Variants in GALNT16 observed in about 807,000 individuals in gnomAD.
GALNT16 encodes polypeptide N-acetylgalactosaminyltransferase 16, also known as UDP-GalNAc:polypeptide N-acetylgalactosaminyltransferase-like protein 1.
Under a neutral mutation model 76.1 loss-of-function variants are expected in GALNT16, and 40 were observed. The observed-to-expected ratio is 0.53, with a 90% CI of 0.41 to 0.68. GALNT16 has a LOEUF of 0.68. GALNT16 is among the 30% of genes least tolerant of loss of function. The pLI is 0.00. For missense variants in GALNT16, 621 were observed against 731.9 expected, an observed-to-expected ratio of 0.85 and a Z score of 1.75; for synonymous variants, 276 against 285.2, an observed-to-expected ratio of 0.97 and a Z score of 0.32.
At chr14:69,262,873 T>G (rs1594805056) in intron 1 of GALNT16, among the ~76,000 whole-genome samples, 1 of 104,810 alleles carries the variant, frequency 9.5e-6, no homozygotes, top group African/African-American at 4.8e-5. Flanking sequence ...ACAGCAAGAT[T>G]TCTTTTTTTC....
At chr14:69,284,562 T>C (rs1217487796) in intron 1 of GALNT16, among the ~76,000 whole-genome samples, 1 of 152,234 alleles carries the variant, frequency 6.6e-6, no homozygotes, top group Non-Finnish European at 1.5e-5. Flanking sequence ...GAGCACCTGC[T>C]TCGGTACAGG....
intron 2 of GALNT16, among the ~76,000 whole-genome samples, chr14:69,322,094 A>G (rs2045196111): frequency 6.6e-6 from 1 of 152,232 alleles, no homozygotes; most frequent in Non-Finnish European, 1.5e-5. Context: ...TGAGATGAAC[A>G]CAGGGCTGGG....
At chr14:69,288,543 G>A (rs181067422) in intron 1 of GALNT16, among the ~76,000 whole-genome samples, 23 of 152,270 alleles carry the variant, frequency 1.5e-4, no homozygotes, top group African/African-American at 7.2e-5. Flanking sequence ...GGCTGGCCAC[G>A]TTTCCTTCAT....
chr14:69,380,521 C>A, the GALNT16 span: 2 of 1,367,760 alleles, frequency 1.5e-6, no homozygotes, highest in Admixed American at 1.7e-5. Flanking sequence ...CCAACCCCCC[C>A]AGTGCTTCCA....
chr14:69,371,492 G>A, the GALNT16 span, among the ~76,000 whole-genome samples: 7 of 151,308 alleles, frequency 4.6e-5, no homozygotes, highest in African/African-American at 1.2e-4. Flanking sequence ...TCCTGACCTC[G>A]TGATCCACCC....
At chr14:69,382,988 C>G in the GALNT16 span, among the ~76,000 whole-genome samples, 1 of 152,108 alleles carries the variant, frequency 6.6e-6, no homozygotes, top group African/African-American at 2.4e-5. Flanking sequence ...AGCTGTGGGT[C>G]TGGGCAGTGA....
the GALNT16 span, among the ~76,000 whole-genome samples, chr14:69,370,321 C>T: frequency 6.6e-6 from 1 of 152,200 alleles, no homozygotes; most frequent in Non-Finnish European, 1.5e-5. Context: ...CAAATATGCC[C>T]TGCTTTGATA....
At chr14:69,265,687 G>A (rs148851809) in intron 1 of GALNT16, among the ~76,000 whole-genome samples, 35 of 152,362 alleles carry the variant, frequency 2.3e-4, no homozygotes, top group Non-Finnish European at 4.6e-4. Flanking sequence ...CTAAACAGAC[G>A]TGGAAAGGAG....
chr14:69,317,828 A>G (rs2045123475), intron 1 of GALNT16, among the ~76,000 whole-genome samples: 1 of 152,204 alleles, frequency 6.6e-6, no homozygotes, highest in African/African-American at 2.4e-5. Context: ...AGATCAAAGA[A>G]TGGGGCTAAA....
At chr14:69,371,158 G>A in the GALNT16 span, among the ~76,000 whole-genome samples, 47 of 152,324 alleles carry the variant, frequency 3.1e-4, no homozygotes, top group Non-Finnish European at 6.6e-4. Flanking sequence ...TGACTGGACT[G>A]CCCTGGGGTC....
rs2045126600 is a variant in GALNT16 at position 69,318,004 on chromosome 14, C to T, written c.178-2707C>T. Among the ~76,000 whole-genome samples, 3 of 152,164 alleles carry T rather than the reference C, an allele frequency of 2.0e-5. No individual in the cohort carries two copies. In the East Asian group the frequency reaches 5.8e-4, roughly 29 times the overall value. On this transcript the variant is annotated intron_variant, in intron 1 of 14. Transcript: ENST00000448469. The stretch of plus-strand genomic sequence containing the variant: ...CCCTTCAGAGGTCATGGAATTGTGG[C>T]CAGGAGCCACAACCTACCCTTCCTC...
At chr14:69,342,576 T>C (rs78716912) in intron 12 of GALNT16, among the ~76,000 whole-genome samples, 1 of 151,832 alleles carries the variant, frequency 6.6e-6, no homozygotes, top group African/African-American at 2.4e-5. Context: ...TTGGCTTCAG[T>C]GAATCACTAT....
intron 1 of GALNT16, among the ~76,000 whole-genome samples, chr14:69,278,365 G>T (rs541608814): frequency 6.6e-6 from 1 of 152,204 alleles, no homozygotes; most frequent in South Asian, 2.1e-4. Flanking sequence ...AAATCAAAAG[G>T]AAGGAAATAA....
At chr14:69,292,900 C>T (rs957041625) in intron 1 of GALNT16, among the ~76,000 whole-genome samples, 7 of 152,224 alleles carry the variant, frequency 4.6e-5, no homozygotes, top group Non-Finnish European at 8.8e-5. Context: ...TTTTGTTAAC[C>T]TTCCTCTACA....
intron 1 of GALNT16, among the ~76,000 whole-genome samples, chr14:69,282,476 G>A (rs956584866): frequency 6.6e-6 from 1 of 152,056 alleles, no homozygotes; most frequent in South Asian, 2.1e-4. Flanking sequence ...TCTCCAGCCT[G>A]TACCTTGCTT....
intron 12 of GALNT16, 47 bp downstream of exon 12, chr14:69,341,811 G>T: frequency 7.4e-7 from 1 of 1,348,188 alleles, no homozygotes; most frequent in Non-Finnish European, 1.1e-6. Flanking sequence ...GGTAGGGGGT[G>T]GTTGGGGCCA....
At chr14:69,296,473 C>T (rs1196691489) in intron 1 of GALNT16, among the ~76,000 whole-genome samples, 1 of 152,102 alleles carries the variant, frequency 6.6e-6, no homozygotes, top group African/African-American at 2.4e-5. Context: ...GTGGGCAGAT[C>T]ACTTAAGTTC....
At position 69,333,437 on chromosome 14, in the gene GALNT16, C is replaced by A; in HGVS notation, c.864-60C>A. On this transcript the variant is annotated intron_variant, in intron 8 of 14. Coordinates refer to ENST00000448469, the MANE Select transcript of GALNT16 (RefSeq NM_001168368.2). This position sits in a 1 kb window ranked among gnomAD's most constrained non-coding sequence, Gnocchi z 4.2. ...AGACGGTCTTGGGTCCTGGGGCCAT[C>A]TAAAGGGCCTCCTTGCTTCTCCAGC... 1 of 1,053,994 alleles carries A rather than the reference C, an allele frequency of 9.5e-7. No individual in the cohort carries two copies. The highest frequency in any genetic ancestry group is 1.5e-6 in the Non-Finnish European group (1 of 673,036). 65.3% of individuals were successfully genotyped at this position (1,053,994 alleles called of 1,614,324 possible). A position where few individuals can be genotyped will look rare whatever the true frequency, so the allele number is the denominator to read the frequency against.
chr14:69,383,136 C>T, the GALNT16 span, among the ~76,000 whole-genome samples: 1 of 152,168 alleles, frequency 6.6e-6, no homozygotes, highest in African/African-American at 2.4e-5. Context: ...GCATTATTTT[C>T]ATCTTACAAA....
Sources: gnomAD v4.1 joint callset for allele counts (sites outside exome capture counted in the v4.1 genomes callset) on GRCh38, gnomAD v4.1.1 for gene constraint, Gnocchi (gnomAD v3.1) non-coding constraint, MANE v1.5 for transcripts, NCBI Gene and HGNC (gene_info 2026-07-23, HGNC 2026-07-21) for gene names.